Variants in CDC42SE2 observed in about 807,000 individuals in gnomAD.
CDC42SE2 encodes CDC42 small effector 2, also known as CDC42 small effector protein 2.
Under a neutral mutation model 11.5 loss-of-function variants are expected in CDC42SE2, and 3 were observed. That is an observed-to-expected ratio of 0.26 (90% CI 0.12 to 0.67). The LOEUF (loss-of-function observed/expected upper bound fraction) is 0.67, where lower values mean the gene tolerates loss of function less well. Among genes scored for constraint, CDC42SE2 ranks in the 30% least tolerant of loss-of-function variants. CDC42SE2 has a pLI of 0.80. For synonymous variants in CDC42SE2, 33 were observed against 34.8 expected (o/e 0.95, Z 0.18); for missense variants, 82 against 106.8 (o/e 0.77, Z 1.02).
At chr5:131,358,193 A>G (rs985794775) in intron 2 of CDC42SE2, among the ~76,000 whole-genome samples, 1 of 152,200 alleles carries the variant, frequency 6.6e-6, no homozygotes, top group Non-Finnish European at 1.5e-5. Context: ...TCAGATTTAT[A>G]TATCAAACTG....
At chr5:131,295,561 A>G (rs1044920637) in intron 1 of CDC42SE2, among the ~76,000 whole-genome samples, 1 of 152,204 alleles carries the variant, frequency 6.6e-6, no homozygotes, top group African/African-American at 2.4e-5. Context: ...ATACATAAGT[A>G]TATATAGTAT....
chr5:131,326,599 A>G (rs1054866773), intron 2 of CDC42SE2, among the ~76,000 whole-genome samples: 4 of 152,032 alleles, frequency 2.6e-5, no homozygotes, highest in African/African-American at 9.7e-5. Flanking sequence ...ACTGCAATTG[A>G]TTTTAGCTTT....
At chr5:131,288,307 G>C (rs1332751621) in intron 1 of CDC42SE2, among the ~76,000 whole-genome samples, 4 of 152,022 alleles carry the variant, frequency 2.6e-5, no homozygotes, top group Non-Finnish European at 5.9e-5. Flanking sequence ...GTGGAATCAA[G>C]ATGTTACACT....
intron 1 of CDC42SE2, among the ~76,000 whole-genome samples, chr5:131,271,424 A>G (rs905087135): frequency 3.9e-5 from 6 of 152,248 alleles, no homozygotes; most frequent in African/African-American, 1.2e-4. Context: ...GTAAAAAGCT[A>G]CAGTATAACA....
At chr5:131,276,281 C>CAA (rs59001427) in intron 1 of CDC42SE2, among the ~76,000 whole-genome samples, 3,618 of 126,076 alleles carry the variant, frequency 0.029, 66 homozygotes, top group African/African-American at 0.049. Context: ...ACCCCATCTA[C>CAA]AAAAAAAAAA....
At chr5:131,232,910 T>C in the CDC42SE2 span, among the ~76,000 whole-genome samples, 1 of 151,734 alleles carries the variant, frequency 6.6e-6, no homozygotes, top group Non-Finnish European at 1.5e-5. Flanking sequence ...AATTATTTTA[T>C]GTTTTGACTA....
rs1418880774 is a variant in CDC42SE2 at position 131,392,295 on chromosome 5, TTTTTA to T, written c.*1208_*1212del. On this transcript the variant is annotated 3_prime_UTR_variant, in exon 5 of 5. Coordinates refer to ENST00000505065, the MANE Select transcript of CDC42SE2 (RefSeq NM_001375635.1). ...ATGAGACCCACAAGCACAATGATCA[TTTTTA>T]TTTGTTTGTTTGTTTGAAACTTCAG... 3 of 152,738 alleles carry T rather than the reference TTTTTA, an allele frequency of 2.0e-5. No individual in the cohort carries two copies. The highest frequency in any genetic ancestry group is 4.4e-5 in the Non-Finnish European group (3 of 68,046). 9.5% of individuals were successfully genotyped at this position (152,738 alleles called of 1,614,324 possible).
At chr5:131,225,128 G>A in the CDC42SE2 span, among the ~76,000 whole-genome samples, 2 of 152,252 alleles carry the variant, frequency 1.3e-5, no homozygotes, top group East Asian at 3.9e-4. Context: ...TGGTGGCCCA[G>A]AGCCAGGGGA....
chr5:131,243,362 G>A (rs762769708), upstream of CDC42SE2, among the ~76,000 whole-genome samples: 1 of 152,118 alleles, frequency 6.6e-6, no homozygotes, highest in Non-Finnish European at 1.5e-5. Context: ...GGTGGATCAC[G>A]AGGTCAGGAG....
At chr5:131,228,888 A>C in the CDC42SE2 span, among the ~76,000 whole-genome samples, 1 of 152,240 alleles carries the variant, frequency 6.6e-6, no homozygotes. Context: ...AGCTCTCACC[A>C]GAAACTAAAT....
At chr5:131,216,968 A>T in the CDC42SE2 span, among the ~76,000 whole-genome samples, 1 of 152,136 alleles carries the variant, frequency 6.6e-6, no homozygotes, top group Non-Finnish European at 1.5e-5. Flanking sequence ...AGACTGGGTG[A>T]ATCAATATCA....
intron 2 of CDC42SE2, among the ~76,000 whole-genome samples, chr5:131,349,567 C>T (rs75158999): frequency 0.034 from 5,245 of 152,178 alleles, 309 homozygotes; most frequent in African/African-American, 0.12. Flanking sequence ...TATTGGTTTT[C>T]GACTGTGCAG....
intron 2 of CDC42SE2, among the ~76,000 whole-genome samples, chr5:131,342,590 A>G (rs1188824923): frequency 6.6e-6 from 1 of 151,766 alleles, no homozygotes; most frequent in East Asian, 2.0e-4. Context: ...GGATTTCACC[A>G]TATTGGCCAG....
At chr5:131,331,564 T>C (rs1314579595) in intron 2 of CDC42SE2, among the ~76,000 whole-genome samples, 1 of 152,224 alleles carries the variant, frequency 6.6e-6, no homozygotes, top group African/African-American at 2.4e-5. Context: ...AAATATATGA[T>C]TAACATTCAA....
chr5:131,354,514 G>A (rs1349762693), intron 2 of CDC42SE2: 1 of 152,134 alleles, frequency 6.6e-6, no homozygotes, highest in Non-Finnish European at 1.5e-5. Context: ...GAAATTCACA[G>A]AAATCATTGC....
At chr5:131,341,379 A>C (rs1758709087) in intron 2 of CDC42SE2, among the ~76,000 whole-genome samples, 1 of 152,252 alleles carries the variant, frequency 6.6e-6, no homozygotes, top group Non-Finnish European at 1.5e-5. Flanking sequence ...CAGATACTGA[A>C]ATAGTGTCTT....
Position 131,246,548 on chromosome 5 carries a change from A to G in CDC42SE2, n.107+949A>G, listed in dbSNP as rs137868514. ...TTTTTTTGGTTTTTGACATTCAATA[A>G]CTTTTTTGCTAGGATATGTTTCATG... is the stretch of plus-strand genomic sequence containing the variant. On this transcript the variant is annotated intron_variant and non_coding_transcript_variant, in intron 1 of 3. Coordinates refer to the CDC42SE2 transcript ENST00000502840. Among the ~76,000 whole-genome samples, 4 of 152,050 alleles carry G rather than the reference A, an allele frequency of 2.6e-5. No individual in the cohort carries two copies. The East Asian group carries it at 7.7e-4, about 29-fold the overall frequency.
chr5:131,282,727 C>T (rs1394350529), intron 1 of CDC42SE2, among the ~76,000 whole-genome samples: 1 of 152,004 alleles, frequency 6.6e-6, no homozygotes, highest in Non-Finnish European at 1.5e-5. Context: ...CTCCCGGGTT[C>T]ATGCCATTCT....
At chr5:131,307,357 G>A (rs1170707391) in intron 1 of CDC42SE2, among the ~76,000 whole-genome samples, 1 of 151,466 alleles carries the variant, frequency 6.6e-6, no homozygotes, top group Admixed American at 6.6e-5. Context: ...GAGAATGATG[G>A]TTTCCAATTT....
Sources: allele counts gnomAD v4.1 joint callset (sites outside exome capture counted in the v4.1 genomes callset), GRCh38; gene constraint gnomAD v4.1.1; transcripts MANE v1.5; gene names NCBI Gene and HGNC (gene_info 2026-07-23, HGNC 2026-07-21).